Variants in STUM observed in about 807,000 individuals in gnomAD.
STUM encodes stum, mechanosensory transduction mediator homolog, also known as protein stum homolog.
Under a neutral mutation model 15.3 loss-of-function variants are expected in STUM, and 8 were observed. The observed-to-expected ratio is 0.52, with a 90% confidence interval of 0.31 to 0.94. The LOEUF (loss-of-function observed/expected upper bound fraction) is 0.94, where lower values mean the gene tolerates loss of function less well. Among genes scored for constraint, STUM ranks in the 40% least tolerant of loss-of-function variants. The pLI, the probability that STUM is intolerant of heterozygous loss-of-function variation, is 0.05. For synonymous variants in STUM, 78 were observed against 88.7 expected, an observed-to-expected ratio of 0.88 and a Z score of 0.68; for missense variants, 142 against 204.9, an observed-to-expected ratio of 0.69 and a Z score of 1.87.
Position 226,590,319 on chromosome 1 carries a change from G to A in STUM, c.203-6483G>A, listed in dbSNP as rs1343846485. On this transcript the variant is annotated intron_variant, in intron 1 of 3. Transcript: ENST00000366788. ...CTGCTCTGAGCCCTGCCATTCTCCC[G>A]ACTCCCTGTAGAGCCACTCTTGGCC... 6.6e-5 allele frequency among the ~76,000 whole-genome samples: 10 copies of A among 152,054 alleles called. 1 individual carries two copies. Among genetic ancestry groups the A allele is most frequent in the East Asian group, 3.9e-4 (2 of 5,160 alleles).
chr1:226,573,496 C>T (rs2102696514), intron 1 of STUM, among the ~76,000 whole-genome samples: 1 of 152,244 alleles, frequency 6.6e-6, no homozygotes. Context: ...CCTCAAGGCT[C>T]TGGTTTTCTT....
chr1:226,570,260 C>T (rs1667686649), intron 1 of STUM, among the ~76,000 whole-genome samples: 1 of 152,140 alleles, frequency 6.6e-6, no homozygotes, highest in African/African-American at 2.4e-5. Flanking sequence ...AACCCAGCAG[C>T]CCAAGAAAAG....
Position 226,565,016 on chromosome 1 carries a change from T to G in STUM, c.202+15910T>G, listed in dbSNP as rs1297690338. 1.3e-5 allele frequency among the ~76,000 whole-genome samples: 2 copies of G among 152,204 alleles called. No individual in the cohort carries two copies. The highest frequency in any genetic ancestry group is 4.8e-5 in the African/African-American group (2 of 41,452). ...CTCTGGACCCGAGGAGGCCGACCTC[T>G]ACGGCCTGCATCACCAGTCCCCTTG... On this transcript the variant is annotated intron_variant, in intron 1 of 3. Transcript: ENST00000366788. This position sits in a 1 kb window ranked among gnomAD's most constrained non-coding sequence, Gnocchi z 4.4.
In STUM at chr1:226,588,380, A is replaced by C. The variant is rs368430010; in HGVS notation, c.203-8422A>C. ...CTGGAGTGGCCGAGCTGAAAGGATG[A>C]CACTGCCTTCCCTCAGCACATATGA... On this transcript the variant is annotated intron_variant, in intron 1 of 3. Coordinates refer to ENST00000366788, the MANE Select transcript of STUM (RefSeq NM_001003665.4). Among the ~76,000 whole-genome samples the C allele has an allele frequency of 1.4e-3, 208 of 152,318 alleles. 1 individual carries two copies. The highest frequency in any genetic ancestry group is 5.0e-4 in the Non-Finnish European group (34 of 68,014).
intron 1 of STUM, among the ~76,000 whole-genome samples, chr1:226,558,199 G>T (rs1162123247): frequency 6.6e-6 from 1 of 152,188 alleles, no homozygotes; most frequent in Non-Finnish European, 1.5e-5. Context: ...AATTGTCATT[G>T]CTGATGACAT....
intron 1 of STUM, among the ~76,000 whole-genome samples, chr1:226,570,568 A>AAGCC (rs1389639131): frequency 6.6e-6 from 1 of 152,218 alleles, no homozygotes; most frequent in African/African-American, 2.4e-5. Flanking sequence ...CACAGGGGCC[A>AAGCC]AGCCACCTCC....
rs1667390979 is a variant in STUM, at chr1:226,552,702, T to C, written c.202+3596T>C. 6.6e-6 allele frequency among the ~76,000 whole-genome samples: 1 copy of C among 152,194 alleles called. No individual in the cohort carries two copies. The highest frequency in any genetic ancestry group is 1.5e-5 in the Non-Finnish European group (1 of 68,040). On this transcript the variant is annotated intron_variant, in intron 1 of 3. Coordinates refer to ENST00000366788, the MANE Select transcript of STUM (RefSeq NM_001003665.4). The surrounding 1 kb of genome is among the most constrained non-coding windows in gnomAD (Gnocchi z 4.7). ...CTACTCTTTGATGCTGCTAAAGTCT[T>C]GCTTGCTCAATAAAAGCACCACAGG...
chr1:226,582,126 T>A (rs915096847), intron 1 of STUM, among the ~76,000 whole-genome samples: 17 of 152,142 alleles, frequency 1.1e-4, no homozygotes, highest in African/African-American at 4.1e-4. Flanking sequence ...TGACCACAGC[T>A]CCACTGATAC....
At chr1:226,572,857 AAC>A (rs1456021910) in intron 1 of STUM, among the ~76,000 whole-genome samples, 1 of 152,192 alleles carries the variant, frequency 6.6e-6, no homozygotes, top group Non-Finnish European at 1.5e-5. Context: ...GTCCTTGAGG[AAC>A]ACACAGTCCA....
In STUM at chr1:226,565,097, A is replaced by G. The variant is rs1445793776; in HGVS notation, c.202+15991A>G. Among the ~76,000 whole-genome samples the G allele has an allele frequency of 6.6e-6, 1 of 152,188 alleles. No individual in the cohort carries two copies. Among genetic ancestry groups the G allele is most frequent in the African/African-American group, 2.4e-5 (1 of 41,450 alleles). On this transcript the variant is annotated intron_variant, in intron 1 of 3. Transcript: ENST00000366788. This position sits in a 1 kb window ranked among gnomAD's most constrained non-coding sequence, Gnocchi z 4.4. ...GGAGGCACTGGTAGGCATGGAGGAA[A>G]GGAGGGAGAGTTTGGGGTATTGGTT...
In STUM at chr1:226,602,047, G is replaced by A. The variant is rs553158; in HGVS notation, c.*7G>A. The A allele has an allele frequency of 2.2e-4, 356 of 1,605,100 alleles. 2 individuals carry two copies. In the African/African-American group the frequency reaches 3.6e-3, roughly 16 times the overall value. ...CATCCCACAGCAGCTGTGAGCCCACGGGAGCCGCTGGGGAGATCCAGGGGG... is the reference window on the plus strand; with the variant it reads ...CATCCCACAGCAGCTGTGAGCCCACAGGAGCCGCTGGGGAGATCCAGGGGG... On this transcript the variant is annotated 3_prime_UTR_variant, in exon 4 of 4. Transcript: ENST00000366788.
At chr1:226,592,306 C>G (rs959555941) in intron 1 of STUM, among the ~76,000 whole-genome samples, 13 of 152,212 alleles carry the variant, frequency 8.5e-5, no homozygotes, top group African/African-American at 2.9e-4. Context: ...CCATGGCCTC[C>G]CATGAGTGCT....
In STUM at chr1:226,565,083, T is replaced by G. The variant is rs1472800590; in HGVS notation, c.202+15977T>G. ...TGTCTTAGCCAATGGGAGGCACTGG[T>G]AGGCATGGAGGAAAGGAGGGAGAGT... is the stretch of plus-strand genomic sequence containing the variant. On this transcript the variant is annotated intron_variant, in intron 1 of 3. Coordinates refer to ENST00000366788, the MANE Select transcript of STUM (RefSeq NM_001003665.4). This position sits in a 1 kb window ranked among gnomAD's most constrained non-coding sequence, Gnocchi z 4.4. Among the ~76,000 whole-genome samples, 1 of 152,194 alleles carries G rather than the reference T, an allele frequency of 6.6e-6. No individual in the cohort carries two copies. The highest frequency in any genetic ancestry group is 1.5e-5 in the Non-Finnish European group (1 of 68,034).
chr1:226,570,280 A>G (rs1042329008), intron 1 of STUM, among the ~76,000 whole-genome samples: 2 of 152,130 alleles, frequency 1.3e-5, no homozygotes, highest in Non-Finnish European at 2.9e-5. Flanking sequence ...GACATAATGG[A>G]GTTGAGTCAG....
chr1:226,585,136 T>C (rs1015597900), intron 1 of STUM, among the ~76,000 whole-genome samples: 1 of 152,230 alleles, frequency 6.6e-6, no homozygotes, highest in Non-Finnish European at 1.5e-5. Context: ...TCAGGCTTCA[T>C]GAGGCTGACA....
At chr1:226,599,753 G>T (rs527768513) in intron 2 of STUM, among the ~76,000 whole-genome samples, 1 of 152,334 alleles carries the variant, frequency 6.6e-6, no homozygotes, top group East Asian at 1.9e-4. Context: ...TTGGTCATGG[G>T]TCAATAAATA....
At chr1:226,597,193 T>C (rs1191037614) in intron 2 of STUM, among the ~76,000 whole-genome samples, 1 of 152,248 alleles carries the variant, frequency 6.6e-6, no homozygotes, top group East Asian at 1.9e-4. Flanking sequence ...CAGGGAATTA[T>C]GAGTGGATGG....
intron 2 of STUM, chr1:226,597,433 A>T (rs1012851601): frequency 4.2e-6 from 2 of 472,704 alleles, no homozygotes; most frequent in Non-Finnish European, 8.8e-6. Context: ...GTGAGGCCAC[A>T]GTTCCTCAAT....
chr1:226,566,768 T>A (rs1667632626), intron 1 of STUM, among the ~76,000 whole-genome samples: 2 of 152,262 alleles, frequency 1.3e-5, no homozygotes, highest in African/African-American at 4.8e-5. Flanking sequence ...TGCTGGACCT[T>A]GTATGATCAG....
Sources: gnomAD v4.1 joint callset for allele counts (sites outside exome capture counted in the v4.1 genomes callset) on GRCh38, gnomAD v4.1.1 for gene constraint, Gnocchi (gnomAD v3.1) non-coding constraint, MANE v1.5 for transcripts, NCBI Gene and HGNC (gene_info 2026-07-23, HGNC 2026-07-21) for gene names.